Variants in LRRTM4 observed in about 807,000 individuals in gnomAD.
The protein encoded by LRRTM4 is leucine rich repeat transmembrane neuronal 4, also known as leucine-rich repeat transmembrane neuronal protein 4.
Under a neutral mutation model 47.6 loss-of-function variants are expected in LRRTM4, and 25 were observed. The ratio of observed to expected loss-of-function variants is 0.53; its 90% confidence interval spans 0.38 to 0.73. The LOEUF is 0.73. Among genes scored for constraint, LRRTM4 ranks in the 30% least tolerant of loss-of-function variants. The pLI is 0.00. For synonymous variants in LRRTM4, 311 were observed against 269.5 expected (o/e 1.15, Z -1.51); for missense variants, 638 against 713.4 (o/e 0.89, Z 1.20).
chr2:76,824,231 G>A (rs544761991), intron 3 of LRRTM4, among the ~76,000 whole-genome samples: 9 of 151,546 alleles, frequency 5.9e-5, no homozygotes, highest in Middle Eastern at 3.4e-3. Context: ...GTTTGCCTCC[G>A]TTTGTATAAT....
intron 3 of LRRTM4, among the ~76,000 whole-genome samples, chr2:77,187,768 T>A (rs569483681): frequency 6.6e-6 from 1 of 152,172 alleles, no homozygotes; most frequent in South Asian, 2.1e-4. Flanking sequence ...GAACTGGGTA[T>A]AAACAAAAAT....
At chr2:76,784,904 AAATT>A (rs1225573507) in intron 3 of LRRTM4, among the ~76,000 whole-genome samples, 2 of 152,116 alleles carry the variant, frequency 1.3e-5, no homozygotes, top group Admixed American at 1.3e-4. Context: ...ATTTTACACA[AAATT>A]AATTCAGTTC....
At chr2:77,289,709 C>T (rs369394750) in intron 3 of LRRTM4, among the ~76,000 whole-genome samples, 3 of 152,110 alleles carry the variant, frequency 2.0e-5, no homozygotes, top group African/African-American at 7.2e-5. Flanking sequence ...TTGAATTTTG[C>T]ATTCAAGATT....
chr2:77,049,075 C>T (rs1838878), intron 3 of LRRTM4, among the ~76,000 whole-genome samples: 9,172 of 141,436 alleles, frequency 0.065, 385 homozygotes, highest in Non-Finnish European at 0.1. Flanking sequence ...ATCCGTGTTG[C>T]TGTGAATGAC....
At chr2:77,187,935 C>T (rs540015542) in intron 3 of LRRTM4, among the ~76,000 whole-genome samples, 13 of 152,002 alleles carry the variant, frequency 8.6e-5, no homozygotes, top group Non-Finnish European at 1.9e-4. Flanking sequence ...TAAAACACAA[C>T]TGTTACAAAT....
intron 3 of LRRTM4, among the ~76,000 whole-genome samples, chr2:76,752,357 C>G (rs1672879007): frequency 2.0e-5 from 3 of 152,152 alleles, no homozygotes; most frequent in Admixed American, 2.0e-4. Context: ...GTCAAGGGAC[C>G]TGCATTAACT....
At chr2:76,984,617 G>A (rs1330773657) in intron 3 of LRRTM4, among the ~76,000 whole-genome samples, 2 of 151,960 alleles carry the variant, frequency 1.3e-5, no homozygotes, top group Non-Finnish European at 2.9e-5. Context: ...GGTGGAGAAG[G>A]CTTCTAGCAA....
At chr2:77,363,469 C>T (rs1672318311) in intron 3 of LRRTM4, among the ~76,000 whole-genome samples, 1 of 152,134 alleles carries the variant, frequency 6.6e-6, no homozygotes, top group Non-Finnish European at 1.5e-5. Flanking sequence ...ACTAACAAAG[C>T]CAAGTATTAT....
At chr2:77,324,321 G>C (rs1434790263) in intron 3 of LRRTM4, among the ~76,000 whole-genome samples, 1 of 152,148 alleles carries the variant, frequency 6.6e-6, no homozygotes, top group Non-Finnish European at 1.5e-5. Context: ...TAACAGTCCT[G>C]TGGGCTGGAG....
chr2:77,003,179 G>A (rs1343509628), intron 3 of LRRTM4, among the ~76,000 whole-genome samples: 2 of 121,820 alleles, frequency 1.6e-5, no homozygotes, highest in South Asian at 4.2e-4. Context: ...GTTCTTATTT[G>A]TTATTTTCTT....
chr2:77,046,638 G>A (rs1679245616), intron 3 of LRRTM4, among the ~76,000 whole-genome samples: 1 of 151,908 alleles, frequency 6.6e-6, no homozygotes, highest in Non-Finnish European at 1.5e-5. Context: ...ATTTTACTCA[G>A]AGGAAGCAAT....
intron 3 of LRRTM4, among the ~76,000 whole-genome samples, chr2:76,904,286 G>A (rs538815289): frequency 3.5e-4 from 53 of 152,236 alleles, no homozygotes; most frequent in Admixed American, 9.2e-4. Flanking sequence ...TGAGAACCAC[G>A]TTTTTTAAAG....
intron 3 of LRRTM4, among the ~76,000 whole-genome samples, chr2:77,350,600 G>A (rs1183530289): frequency 1.3e-5 from 2 of 152,058 alleles, no homozygotes; most frequent in Non-Finnish European, 2.9e-5. Context: ...ATTTATGGAA[G>A]TGCAATAGAA....
intron 3 of LRRTM4, chr2:76,987,273 A>G (rs986020885): frequency 1.3e-5 from 2 of 151,914 alleles, no homozygotes; most frequent in African/African-American, 4.8e-5. Context: ...ACATGCAAGG[A>G]AAGTACCCAA....
intron 3 of LRRTM4, among the ~76,000 whole-genome samples, chr2:77,261,223 A>G (rs745807768): frequency 1.3e-5 from 2 of 152,146 alleles, no homozygotes; most frequent in Non-Finnish European, 2.9e-5. Context: ...AGCGTAGTGC[A>G]GAAAGAGAAA....
At chr2:77,334,473 T>G (rs1671088496) in intron 3 of LRRTM4, among the ~76,000 whole-genome samples, 1 of 152,052 alleles carries the variant, frequency 6.6e-6, no homozygotes, top group Non-Finnish European at 1.5e-5. Flanking sequence ...AGTGAATGAG[T>G]CTTATGATAT....
chr2:76,901,186 T>A (rs2103744709), intron 3 of LRRTM4, among the ~76,000 whole-genome samples: 1 of 152,252 alleles, frequency 6.6e-6, no homozygotes, highest in South Asian at 2.1e-4. Flanking sequence ...GTATGTTTGC[T>A]AATGCTCTCC....
chr2:77,311,001 TAGAG>T lies in LRRTM4; in HGVS notation c.1551+207313_1551+207316del, dbSNP rs566325945. On this transcript the variant is annotated intron_variant, in intron 3 of 3. Transcript: ENST00000409884. ...AGATATATTTACACACATATATATA[TAGAG>T]AGAGAATATTATGTGTGTGGTGTGT... Among the ~76,000 whole-genome samples, 20 of 151,912 alleles carry T rather than the reference TAGAG, an allele frequency of 1.3e-4. No homozygotes were observed. The South Asian group carries it at 3.5e-3, about 27-fold the overall frequency.
chr2:76,885,100 T>A (rs1253119860), intron 3 of LRRTM4, among the ~76,000 whole-genome samples: 1 of 152,042 alleles, frequency 6.6e-6, no homozygotes, highest in Non-Finnish European at 1.5e-5. Flanking sequence ...TGACTGATTT[T>A]CTTCTTTATA....
Sources: allele counts gnomAD v4.1 joint callset (sites outside exome capture counted in the v4.1 genomes callset), GRCh38; gene constraint gnomAD v4.1.1; transcripts MANE v1.5; gene names NCBI Gene and HGNC (gene_info 2026-07-23, HGNC 2026-07-21).